Variants in EZH2 observed in about 807,000 individuals in gnomAD.
EZH2 encodes the protein enhancer of zeste 2 polycomb repressive complex 2 subunit, also known as histone-lysine N-methyltransferase EZH2.
A neutral mutation model predicts 98.4 loss-of-function variants in EZH2; 18 were observed. The ratio of observed to expected loss-of-function variants is 0.18; its 90% confidence interval spans 0.13 to 0.27. The LOEUF (loss-of-function observed/expected upper bound fraction) is 0.27, where lower values mean the gene tolerates loss of function less well. Ranked by LOEUF, EZH2 falls within the 10% of genes least tolerant of loss-of-function variation. The pLI, the probability that EZH2 is intolerant of heterozygous loss-of-function variation, is 1.00. For missense variants in EZH2, 470 were observed against 935.1 expected (o/e 0.50, Z 6.49); for synonymous variants, 338 against 312.3 (o/e 1.08, Z -0.87).
intron 1 of EZH2, among the ~76,000 whole-genome samples, chr7:148,876,496 T>A (rs1045929818): frequency 3.3e-5 from 5 of 152,174 alleles, no homozygotes; most frequent in Non-Finnish European, 7.3e-5. Context: ...AAAATTAATA[T>A]AACTTGACAA....
chr7:148,829,230 G>T (rs1808610547), intron 5 of EZH2, among the ~76,000 whole-genome samples: 1 of 152,054 alleles, frequency 6.6e-6, no homozygotes, highest in African/African-American at 2.4e-5. Context: ...AATGACAATG[G>T]ATGATGATAT....
chr7:148,882,160 C>G (rs1229939649), intron 1 of EZH2, among the ~76,000 whole-genome samples: 1 of 152,040 alleles, frequency 6.6e-6, no homozygotes, highest in Non-Finnish European at 1.5e-5. Context: ...AGACCAGCAC[C>G]TGGAATGCCC....
chr7:148,867,942 T>C (rs934357796), intron 1 of EZH2, among the ~76,000 whole-genome samples: 14 of 152,214 alleles, frequency 9.2e-5, no homozygotes, highest in Non-Finnish European at 1.6e-4. Flanking sequence ...TGCTAACACA[T>C]AGCAAGAGTG....
chr7:148,840,438 T>C (rs1364636098), intron 3 of EZH2, among the ~76,000 whole-genome samples: 1 of 152,108 alleles, frequency 6.6e-6, no homozygotes, highest in East Asian at 1.9e-4. Flanking sequence ...TAAAATATTA[T>C]TAACCTCCTA....
At chr7:148,827,847 G>A (rs1179179581) in intron 6 of EZH2, among the ~76,000 whole-genome samples, 1 of 152,220 alleles carries the variant, frequency 6.6e-6, no homozygotes, top group African/African-American at 2.4e-5. Context: ...GTGGGGCGCA[G>A]TGGCTCACGC....
chr7:148,813,869 G>A (rs1261531680), intron 15 of EZH2, 90 bp downstream of exon 15: 2 of 1,342,722 alleles, frequency 1.5e-6, no homozygotes, highest in South Asian at 1.4e-5. Context: ...TTTACTTTTT[G>A]CCCCAGCTAA....
intron 1 of EZH2, among the ~76,000 whole-genome samples, chr7:148,851,958 G>A (rs1234985636): frequency 6.6e-6 from 1 of 152,112 alleles, no homozygotes; most frequent in Non-Finnish European, 1.5e-5. Flanking sequence ...AATGGACACT[G>A]TGTAAATACA....
chr7:148,834,754 T>G (rs909577858), intron 3 of EZH2, among the ~76,000 whole-genome samples: 2 of 152,222 alleles, frequency 1.3e-5, no homozygotes, highest in Admixed American at 1.3e-4. Flanking sequence ...TTCCTGCTAT[T>G]TGGCCTCTGA....
chr7:148,872,501 TA>T (rs1156555763), intron 1 of EZH2, among the ~76,000 whole-genome samples: 2 of 152,318 alleles, frequency 1.3e-5, no homozygotes, highest in East Asian at 1.9e-4. Context: ...TTACAATTTT[TA>T]AAAAAAGTAA....
At chr7:148,856,682 T>C (rs1442775002) in intron 1 of EZH2, among the ~76,000 whole-genome samples, 6 of 152,020 alleles carry the variant, frequency 3.9e-5, no homozygotes, top group Admixed American at 1.3e-4. Context: ...AGGAGACGGA[T>C]AGGTCCGAGA....
chr7:148,877,233 T>C (rs1191295317), intron 1 of EZH2, among the ~76,000 whole-genome samples: 1 of 152,182 alleles, frequency 6.6e-6, no homozygotes, highest in Non-Finnish European at 1.5e-5. Context: ...GCGAATGAGA[T>C]AACAGGGATC....
Position 148,828,819 on chromosome 7 carries a change from A to G in EZH2, c.546T>C (p.Asn182=), listed in dbSNP as rs1178374567. ...CTCCATCATCATCATCGTCATCATC[A>G]TTATATTGACCAAGGGCATTCACCA... ...VELVNALGQY[N]DDDDDDDGDD... is the part of the protein sequence containing the mutation. Residue 182 remains asparagine (N), a synonymous_variant, in exon 6 of 20, where the codon AAT becomes AAC. Coordinates refer to ENST00000320356, the MANE Select transcript of EZH2 (RefSeq NM_004456.5). The G allele has an allele frequency of 2.5e-6, 4 of 1,613,826 alleles. No homozygotes were observed. The highest frequency in any genetic ancestry group is 4.5e-5 in the East Asian group (2 of 44,862).
At chr7:148,840,069 G>A (rs1812041560) in intron 3 of EZH2, among the ~76,000 whole-genome samples, 2 of 152,128 alleles carry the variant, frequency 1.3e-5, no homozygotes, top group South Asian at 4.1e-4. Context: ...GAGAATATAG[G>A]TAAACAGACA....
At chr7:148,871,874 G>A (rs185648342) in intron 1 of EZH2, among the ~76,000 whole-genome samples, 61 of 151,966 alleles carry the variant, frequency 4.0e-4, no homozygotes, top group Admixed American at 2.8e-3. Flanking sequence ...ACGCCCAGCC[G>A]AATAGTATAT....
intron 1 of EZH2, among the ~76,000 whole-genome samples, chr7:148,874,513 G>A (rs964995406): frequency 1.3e-5 from 2 of 152,182 alleles, no homozygotes; most frequent in Non-Finnish European, 2.9e-5. Context: ...CCACAGCCAT[G>A]AGAAGACTGA....
chr7:148,836,934 G>C (rs746998591), intron 3 of EZH2: 3 of 511,738 alleles, frequency 5.9e-6, no homozygotes, highest in Non-Finnish European at 1.2e-5. Flanking sequence ...GAGACTCTTG[G>C]CAGAAGGCTG....
chr7:148,827,416 A>G (rs895322831), intron 6 of EZH2, 150 bp from the exon 7 acceptor site: 14 of 600,278 alleles, frequency 2.3e-5, no homozygotes, highest in Middle Eastern at 4.5e-4. Context: ...CACATACTTT[A>G]CATGTCTGTG....
rs779757594 is a variant in EZH2 at position 148,817,897 on chromosome 7, T to C, written c.1220A>G (p.Asp407Gly). ...NNDKEEEEKK[D>G]ETSSSSEANS... The stretch of plus-strand genomic sequence containing the variant: ...CTTACCAGAGGAGCTCGAAGTTTCA[T>C]CTTTCTTCTCTTCTTCTTCTTTATC... The change falls in exon 10 of 20, where the codon GAT (aspartate) becomes GGT (glycine). Residue 407 changes from aspartate to glycine, a missense_variant. Transcript: ENST00000320356. 1 of 1,614,230 alleles carries C rather than the reference T, an allele frequency of 6.2e-7. No homozygotes were observed. Among genetic ancestry groups the C allele is most frequent in the Non-Finnish European group, 8.5e-7 (1 of 1,180,036 alleles).
At chr7:148,880,640 T>C (rs1454327802) in intron 1 of EZH2, among the ~76,000 whole-genome samples, 5 of 152,234 alleles carry the variant, frequency 3.3e-5, no homozygotes, top group Non-Finnish European at 5.9e-5. Flanking sequence ...TATTTTTCTT[T>C]GTAATCATTC....
Sources: allele counts gnomAD v4.1 joint callset (sites outside exome capture counted in the v4.1 genomes callset), GRCh38; gene constraint gnomAD v4.1.1; transcripts MANE v1.5; gene names NCBI Gene and HGNC (gene_info 2026-07-23, HGNC 2026-07-21).